Variants in UBA2 observed in about 807,000 individuals in gnomAD.
UBA2 encodes the protein SUMO-activating enzyme subunit 2.
In UBA2, 11 loss-of-function variants were observed where a neutral mutation model predicts 77.2. The ratio of observed to expected loss-of-function variants is 0.14; its 90% confidence interval spans 0.09 to 0.24. UBA2 has a LOEUF of 0.24. UBA2 is among the 10% of genes least tolerant of loss of function. The pLI is 1.00. For synonymous variants in UBA2, 278 were observed against 276.7 expected, an observed-to-expected ratio of 1.00 and a Z score of -0.05; for missense variants, 487 against 781.7, an observed-to-expected ratio of 0.62 and a Z score of 4.50.
Position 34,469,055 on chromosome 19 carries a change from A to G in UBA2, c.1757A>G (p.Asp586Gly). The G allele has an allele frequency of 5.6e-6, 9 of 1,604,736 alleles. No homozygotes were observed. In the East Asian group the frequency reaches 2.0e-4, roughly 36 times the overall value. Residue 586 changes from aspartate to glycine, a missense_variant, in exon 17 of 17, where the codon GAC (aspartate) becomes GGC (glycine). Coordinates refer to ENST00000246548, the MANE Select transcript of UBA2 (RefSeq NM_005499.3). ...PSTSTAQEQD[D>G]VLIVDSDEED... ...CTGAAATAAGCTCAAGAGCAAGATG[A>G]CGTTCTCATAGTTGATTCAGATGAA...
chr19:34,460,577 T>G lies in UBA2; in HGVS notation c.1498+11T>G, dbSNP rs776644251. ...AGGGAGAGACGGAAGGTATCATACA[T>G]TGTATTTATTCATTCCTCTCATTGA... On this transcript the variant is annotated intron_variant, in intron 14 of 16. Coordinates refer to ENST00000246548, the MANE Select transcript of UBA2 (RefSeq NM_005499.3). 6.4e-7 allele frequency: 1 copy of G among 1,566,582 alleles called. No homozygotes were observed.
chr19:34,430,398 C>A (rs2075239219), intron 1 of UBA2, among the ~76,000 whole-genome samples, 178 bp from the exon 2 acceptor site: 1 of 152,142 alleles, frequency 6.6e-6, no homozygotes, highest in South Asian at 2.1e-4. Flanking sequence ...AATCTAGATT[C>A]TTACATGCAT....
chr19:34,431,878 A>T lies in UBA2; in HGVS notation c.240A>T (p.Val80=). Residue 80 remains valine (V), a synonymous_variant, in exon 3 of 17, where the codon GTA becomes GTT. Transcript: ENST00000246548. ...RSKAQVAKES[V]LQFYPKANIV... Reference sequence around the variant, plus strand: ...TTTTCCAGGTTGCCAAGGAAAGTGTACTGCAGTTTTACCCGAAAGCTAATA... The same window carrying T: ...TTTTCCAGGTTGCCAAGGAAAGTGTTCTGCAGTTTTACCCGAAAGCTAATA... The T allele has an allele frequency of 6.2e-7, 1 of 1,613,210 alleles. No individual in the cohort carries two copies.
intron 14 of UBA2, 125 bp downstream of exon 14, chr19:34,460,691 G>A: frequency 1.5e-6 from 1 of 666,476 alleles, no homozygotes. Context: ...TGGTCATGAA[G>A]GTGCTCTTTC....
At chr19:34,434,759 AT>A (rs1441788718) in intron 4 of UBA2, 108 bp from the exon 5 acceptor site, 1 of 799,420 alleles carries the variant, frequency 1.3e-6, no homozygotes, top group African/African-American at 1.8e-5. Context: ...CTATAAGAAA[AT>A]TGTACAAAAA....
chr19:34,460,449 T>C (rs1292446498), intron 13 of UBA2, 21 bp from the exon 14 acceptor site: 1 of 1,405,430 alleles, frequency 7.1e-7, no homozygotes, highest in Non-Finnish European at 9.8e-7. Context: ...ATATTTTGAA[T>C]CCTTTTTTTT....
Position 34,437,150 on chromosome 19 carries a change from T to C in UBA2, c.460-1495T>C, listed in dbSNP as rs117841319. On this transcript the variant is annotated intron_variant, in intron 5 of 16. Transcript: ENST00000246548. ...CTAATTTTTGCATTTTTGGTAGAGA[T>C]GAGGTTTTGCCATGTTAGCCAGGCT... is the stretch of plus-strand genomic sequence containing the variant. 7.3e-3 allele frequency among the ~76,000 whole-genome samples: 1,113 copies of C among 151,912 alleles called. 70 individuals carry two copies. In the East Asian group the frequency reaches 0.14, roughly 19 times the overall value.
intron 1 of UBA2, chr19:34,428,825 CGCCAATGTGT>C: frequency 8.7e-7 from 1 of 1,151,606 alleles, no homozygotes; most frequent in Non-Finnish European, 1.1e-6. Flanking sequence ...TCCCCGGCAG[CGCCAATGTGT>C]GGCGCTTCGT....
At chr19:34,450,996 A>G (rs1172998774) in intron 9 of UBA2, among the ~76,000 whole-genome samples, 1 of 152,008 alleles carries the variant, frequency 6.6e-6, no homozygotes, top group Non-Finnish European at 1.5e-5. Flanking sequence ...AATGTTTAGA[A>G]ATGAAAAGTT....
chr19:34,435,437 C>G (rs1310918136), intron 5 of UBA2, among the ~76,000 whole-genome samples: 1 of 152,130 alleles, frequency 6.6e-6, no homozygotes, highest in Non-Finnish European at 1.5e-5. Flanking sequence ...GCTCAAAAGA[C>G]TATGGGCAAG....
In UBA2 at chr19:34,453,381, G is replaced by C. The variant is rs959999202; in HGVS notation, c.1039-879G>C. 1.3e-5 allele frequency among the ~76,000 whole-genome samples: 2 copies of C among 152,052 alleles called. 1 individual carries two copies. The highest frequency in any genetic ancestry group is 4.2e-4 in the South Asian group (2 of 4,814). Reference sequence around the variant, plus strand: ...TATAGTCTCAGGAAAAATACAAATCGTAACAGGAAAAACTTGGATTGTATT... The same window carrying C: ...TATAGTCTCAGGAAAAATACAAATCCTAACAGGAAAAACTTGGATTGTATT... On this transcript the variant is annotated intron_variant, in intron 10 of 16. Coordinates refer to ENST00000246548, the MANE Select transcript of UBA2 (RefSeq NM_005499.3).
At chr19:34,456,564 T>G (rs2075564812) in intron 12 of UBA2, among the ~76,000 whole-genome samples, 1 of 152,068 alleles carries the variant, frequency 6.6e-6, no homozygotes, top group South Asian at 2.1e-4. Context: ...TATTTTTTGG[T>G]ATCTTTTTTT....
chr19:34,461,388 G>T (rs1020906670), intron 14 of UBA2, among the ~76,000 whole-genome samples: 14 of 152,176 alleles, frequency 9.2e-5, no homozygotes, highest in Admixed American at 2.0e-4. Context: ...GTAGTTGCTT[G>T]TTGAGAAATT....
intron 12 of UBA2, 65 bp downstream of exon 12, chr19:34,454,621 T>C (rs1317548603): frequency 1.3e-6 from 1 of 767,710 alleles, no homozygotes; most frequent in African/African-American, 1.8e-5. Flanking sequence ...AAAAGTACAT[T>C]AAACAGATAA....
rs1231564908 is a variant in UBA2, at chr19:34,434,919, T to C, written c.410T>C (p.Ile137Thr). 5 of 1,609,958 alleles carry C rather than the reference T, an allele frequency of 3.1e-6. No individual in the cohort carries two copies. Among genetic ancestry groups the C allele is most frequent in the African/African-American group, 1.3e-5 (1 of 74,872 alleles). ...RMCLAADVPL[I>T]ESGTAGYLGQ... ...TGCCTGGCAGCTGATGTTCCTCTTA[T>C]TGAAAGTGGAACAGCTGGGTATCTT... Residue 137 changes from isoleucine (I) to threonine (T), a missense_variant, in exon 5 of 17, where the codon ATT (isoleucine) becomes ACT (threonine). Transcript: ENST00000246548.
At chr19:34,433,908 A>C (rs1017913673) in intron 4 of UBA2, among the ~76,000 whole-genome samples, 8 of 152,164 alleles carry the variant, frequency 5.3e-5, no homozygotes, top group Non-Finnish European at 1.2e-4. Flanking sequence ...CAGTGAGCCT[A>C]GATCACACCA....
rs938919876 is a variant in UBA2, at chr19:34,466,948, G to A, written c.1675G>A (p.Ala559Thr). The A allele has an allele frequency of 3.1e-6, 5 of 1,614,030 alleles. No homozygotes were observed. The highest frequency in any genetic ancestry group is 3.4e-6 in the Non-Finnish European group (4 of 1,180,018). Reference protein sequence around the residue: ...DAPEKVGPKQAEDAAKSITNG... With the variant: ...DAPEKVGPKQTEDAAKSITNG... ...CCCGGAAAAAGTGGGGCCCAAACAA[G>A]CTGAAGATGCTGCCAAAAGCATAAC... Residue 559 changes from alanine to threonine, a missense_variant, in exon 16 of 17, where the codon GCT becomes ACT. Physicochemically the swap from Ala to Thr is moderately conservative, Grantham distance 58 (BLOSUM62 0). This residue lies in a region of UBA2 where 300 missense variants were observed against 454.3 expected (regional missense o/e 0.66). Transcript: ENST00000246548.
intron 2 of UBA2, 67 bp downstream of exon 2, chr19:34,430,726 C>G: frequency 7.7e-7 from 1 of 1,297,536 alleles, no homozygotes; most frequent in South Asian, 1.2e-5. Context: ...CAGATTAATC[C>G]TGCCTGTCAT....
intron 8 of UBA2, among the ~76,000 whole-genome samples, chr19:34,447,351 C>A (rs117268980): frequency 0.04 from 6,091 of 152,208 alleles, 179 homozygotes; most frequent in Admixed American, 0.11. Flanking sequence ...ACACACACAC[C>A]CAAGACCAGT....
Sources: gnomAD v4.1 joint callset for allele counts (sites outside exome capture counted in the v4.1 genomes callset) on GRCh38, gnomAD v4.1.1 for gene constraint, gnomAD v4.1.1 regional missense constraint, MANE v1.5 for transcripts, NCBI Gene and HGNC (gene_info 2026-07-23, HGNC 2026-07-21) for gene names.